Variants in SGK2 observed in about 807,000 individuals in gnomAD.
SGK2 encodes the protein serine/threonine-protein kinase Sgk2.
Under a neutral mutation model 47.5 loss-of-function variants are expected in SGK2, and 36 were observed. The observed-to-expected ratio is 0.76, with a 90% CI of 0.58 to 1.00. The LOEUF is 1.00. Among genes scored for constraint, SGK2 ranks in the 50% least tolerant of loss-of-function variants. SGK2 has a pLI of 0.00. For synonymous variants in SGK2, 157 were observed against 181.9 expected, an observed-to-expected ratio of 0.86 and a Z score of 1.10; for missense variants, 404 against 467.4, an observed-to-expected ratio of 0.86 and a Z score of 1.25.
In SGK2 at chr20:43,572,569, C is replaced by T. The variant is rs1347176929; in HGVS notation, c.597+432C>T. ...ACGGGCACCTATAGTCCCAGCTACT[C>T]GGGAGGCTGAGGCAGGAGAATCGCT... On this transcript the variant is annotated intron_variant, in intron 9 of 12. Transcript: ENST00000373100. This position sits in a 1 kb window ranked among gnomAD's most constrained non-coding sequence, Gnocchi z 4.2. Among the ~76,000 whole-genome samples the T allele has an allele frequency of 1.3e-5, 2 of 152,006 alleles. No individual in the cohort carries two copies. Among genetic ancestry groups the T allele is most frequent in the South Asian group, 2.1e-4 (1 of 4,818 alleles).
chr20:43,560,026 C>T (rs939130998), intron 1 of SGK2, among the ~76,000 whole-genome samples: 3 of 151,832 alleles, frequency 2.0e-5, no homozygotes, highest in South Asian at 2.1e-4. Flanking sequence ...CACCGTGGTG[C>T]GAGAGAGAAG....
chr20:43,566,205 C>T, intron 1 of SGK2: 1 of 840,110 alleles, frequency 1.2e-6, no homozygotes. Flanking sequence ...GTCCCCAGTT[C>T]TTGAAAAGAA....
chr20:43,569,046 A>G (rs1258814604), intron 5 of SGK2, among the ~76,000 whole-genome samples: 1 of 152,160 alleles, frequency 6.6e-6, no homozygotes, highest in East Asian at 1.9e-4. Context: ...ATACATGAAT[A>G]TGGATAGTGT....
intron 1 of SGK2, among the ~76,000 whole-genome samples, chr20:43,561,634 G>T (rs1040689191): frequency 6.6e-6 from 1 of 151,974 alleles, no homozygotes; most frequent in African/African-American, 2.4e-5. Context: ...TGATCCACCC[G>T]CCTCGGCCTC....
chr20:43,574,052 A>T (rs1055387226), intron 9 of SGK2, among the ~76,000 whole-genome samples: 3 of 152,158 alleles, frequency 2.0e-5, no homozygotes, highest in Non-Finnish European at 4.4e-5. Flanking sequence ...GGGATTTGGT[A>T]TCTTCACATT....
intron 1 of SGK2, chr20:43,566,179 T>G: frequency 1.5e-6 from 1 of 650,942 alleles, no homozygotes; most frequent in Non-Finnish European, 2.7e-6. Flanking sequence ...CTCACAGGGG[T>G]CTTGTTGCCC....
At chr20:43,573,629 CCCCA>C (rs1235075528) in intron 9 of SGK2, among the ~76,000 whole-genome samples, 1 of 152,216 alleles carries the variant, frequency 6.6e-6, no homozygotes, top group African/African-American at 2.4e-5. Context: ...GGAGACTCCT[CCCCA>C]CCTGGCATGA....
At chr20:43,577,745 G>A (rs965016923) in intron 11 of SGK2, among the ~76,000 whole-genome samples, 4 of 151,394 alleles carry the variant, frequency 2.6e-5, no homozygotes, top group Non-Finnish European at 4.4e-5. Flanking sequence ...CCAGGTTCAA[G>A]CAATTCTAAT....
intron 8 of SGK2, among the ~76,000 whole-genome samples, 158 bp downstream of exon 8, chr20:43,571,218 G>A (rs778195448): frequency 6.6e-6 from 1 of 152,208 alleles, no homozygotes; most frequent in Non-Finnish European, 1.5e-5. Flanking sequence ...GTGTGCCCAT[G>A]CACATGTACA....
intron 8 of SGK2, 80 bp from the exon 9 acceptor site, chr20:43,571,971 G>A (rs1015037618): frequency 1.0e-6 from 1 of 961,016 alleles, no homozygotes; most frequent in Non-Finnish European, 1.6e-6. Flanking sequence ...CTGGGGTGTG[G>A]CATCTGGGCT....
At chr20:43,566,877 G>A (rs1009607790) in intron 2 of SGK2, among the ~76,000 whole-genome samples, 191 bp from the exon 3 acceptor site, 73 of 122,182 alleles carry the variant, frequency 6.0e-4, no homozygotes, top group Non-Finnish European at 8.0e-4. Flanking sequence ...TGGTGGATAA[G>A]TGGATTTGTG....
intron 11 of SGK2, among the ~76,000 whole-genome samples, chr20:43,576,825 C>T (rs1264470251): frequency 6.6e-6 from 1 of 152,192 alleles, no homozygotes; most frequent in Non-Finnish European, 1.5e-5. Flanking sequence ...ACCTGTAATC[C>T]TGGCTACTTA....
Position 43,585,133 on chromosome 20 carries a change from T to G in SGK2, c.*117T>G. ...CTTCAACGAGAAGCAGGTTTATTTTTTCCAGCACATAAAAGAAAAATAATG... is the reference window on the plus strand; with the variant it reads ...CTTCAACGAGAAGCAGGTTTATTTTGTCCAGCACATAAAAGAAAAATAATG... On this transcript the variant is annotated 3_prime_UTR_variant, in exon 13 of 13. Coordinates refer to ENST00000373100, the MANE Select transcript of SGK2 (RefSeq NM_170693.3). 1 of 991,764 alleles carries G rather than the reference T, an allele frequency of 1.0e-6. No individual in the cohort carries two copies. The highest frequency in any genetic ancestry group is 1.7e-5 in the South Asian group (1 of 60,542). The allele number at this position is 991,764 out of a possible 1,614,324, so 61.4% of individuals were successfully genotyped here. A position where few individuals can be genotyped will look rare whatever the true frequency, so the allele number is the denominator to read the frequency against.
chr20:43,569,879 G>A (rs1979990927), intron 6 of SGK2, among the ~76,000 whole-genome samples: 2 of 152,196 alleles, frequency 1.3e-5, no homozygotes, highest in Non-Finnish European at 2.9e-5. Flanking sequence ...GGATTGACTG[G>A]TCACTGTGGT....
intron 5 of SGK2, among the ~76,000 whole-genome samples, chr20:43,568,539 A>G (rs1003150029): frequency 3.3e-5 from 5 of 151,692 alleles, no homozygotes; most frequent in African/African-American, 7.3e-5. Context: ...CTGGAGTGCA[A>G]TGGCACCATC....
chr20:43,560,913 A>C (rs1170375020), intron 1 of SGK2, among the ~76,000 whole-genome samples: 3 of 152,208 alleles, frequency 2.0e-5, no homozygotes, highest in Non-Finnish European at 4.4e-5. Context: ...TTCTAGTTGG[A>C]GATAGAAAAT....
rs1981007159 is a variant in SGK2, at chr20:43,584,914, CA to C, written c.1003del (p.Ile335LeufsTer62). ...EFTQEAVSKS[I>X]GCTPDTVASS... ...TCACCCAGGAAGCTGTGTCCAAGTC[CA>C]TTGGCTGTACCCCTGACACTGTGGC... On this transcript the variant is annotated frameshift_variant, in exon 13 of 13. Coordinates refer to ENST00000373100, the MANE Select transcript of SGK2 (RefSeq NM_170693.3). LOFTEE classifies it high-confidence loss of function. 1 of 1,614,020 alleles carries C rather than the reference CA, an allele frequency of 6.2e-7. No individual in the cohort carries two copies. Among genetic ancestry groups the C allele is most frequent in the East Asian group, 2.2e-5 (1 of 44,892 alleles).
At chr20:43,560,748 G>T (rs1235483828) in intron 1 of SGK2, among the ~76,000 whole-genome samples, 2 of 152,114 alleles carry the variant, frequency 1.3e-5, no homozygotes, top group Non-Finnish European at 2.9e-5. Context: ...TTTTGGTTGT[G>T]TAATTTTCCA....
chr20:43,569,721 T>C, intron 6 of SGK2: 1 of 568,354 alleles, frequency 1.8e-6, no homozygotes. Context: ...AGGACTTGAA[T>C]TCAGGTCTGT....
Sources: allele counts gnomAD v4.1 joint callset (sites outside exome capture counted in the v4.1 genomes callset), GRCh38; gene constraint gnomAD v4.1.1; non-coding constraint Gnocchi (gnomAD v3.1); transcripts MANE v1.5; gene names NCBI Gene and HGNC (gene_info 2026-07-23, HGNC 2026-07-21).